SND1: variants seen among roughly 807,000 people sequenced by gnomAD.
SND1 encodes the protein staphylococcal nuclease domain-containing protein 1.
In SND1, 38 loss-of-function variants were observed where a neutral mutation model predicts 121.7. That is an observed-to-expected ratio of 0.31 (90% CI 0.24 to 0.41). The LOEUF is 0.41. Ranked by LOEUF, SND1 falls within the 10% of genes least tolerant of loss-of-function variation. The pLI is 1.00. For synonymous variants in SND1, 401 were observed against 447.4 expected (o/e 0.90, Z 1.31); for missense variants, 868 against 1,184.6 (o/e 0.73, Z 3.92).
intron 12 of SND1, chr7:127,858,119 C>T (rs1357859440): frequency 5.7e-6 from 5 of 882,258 alleles, no homozygotes; most frequent in South Asian, 2.6e-5. Flanking sequence ...ACTTCCTCAG[C>T]GAACATGTCT....
intron 16 of SND1, among the ~76,000 whole-genome samples, chr7:128,004,284 G>A (rs1369628475): frequency 6.6e-6 from 1 of 152,134 alleles, no homozygotes; most frequent in Non-Finnish European, 1.5e-5. Flanking sequence ...CTTTTGCCTA[G>A]AGAATGCTAA....
At chr7:128,009,220 G>T (rs1803054973) in intron 16 of SND1, among the ~76,000 whole-genome samples, 1 of 152,214 alleles carries the variant, frequency 6.6e-6, no homozygotes, top group Non-Finnish European at 1.5e-5. Context: ...GCAAAGGTCA[G>T]AGTGGCTGTG....
At chr7:127,805,876 C>T (rs1798229320) in intron 10 of SND1, among the ~76,000 whole-genome samples, 1 of 152,054 alleles carries the variant, frequency 6.6e-6, no homozygotes, top group Admixed American at 6.6e-5. Context: ...AGGGGTTAGT[C>T]CTTGATTTTC....
intron 12 of SND1, among the ~76,000 whole-genome samples, chr7:127,847,012 A>G (rs1799076834): frequency 6.6e-6 from 1 of 152,068 alleles, no homozygotes; most frequent in Non-Finnish European, 1.5e-5. Flanking sequence ...TCATGCCTGT[A>G]ATCCCAGCAC....
intron 12 of SND1, among the ~76,000 whole-genome samples, chr7:127,856,060 T>C (rs903344724): frequency 6.6e-6 from 1 of 152,172 alleles, no homozygotes; most frequent in Admixed American, 6.5e-5. Context: ...GCATTCATTT[T>C]CCCCCTAAGT....
intron 12 of SND1, among the ~76,000 whole-genome samples, chr7:127,873,866 C>T (rs1403798343): frequency 6.6e-6 from 1 of 152,088 alleles, no homozygotes; most frequent in African/African-American, 2.4e-5. Context: ...TGTTAAGATC[C>T]TTCTGGTTGC....
chr7:127,910,923 C>T (rs1800440161), intron 14 of SND1, among the ~76,000 whole-genome samples: 1 of 152,130 alleles, frequency 6.6e-6, no homozygotes, highest in East Asian at 1.9e-4. Context: ...CTGCTGGGCT[C>T]TGCATTTGGT....
chr7:127,816,746 G>A (rs999211919), intron 11 of SND1, among the ~76,000 whole-genome samples: 4 of 148,012 alleles, frequency 2.7e-5, no homozygotes, highest in East Asian at 2.0e-4. Context: ...TCACTGCAAC[G>A]TCTGCCTCCT....
chr7:127,876,194 G>A (rs1366926497), intron 12 of SND1, among the ~76,000 whole-genome samples: 3 of 151,784 alleles, frequency 2.0e-5, no homozygotes, highest in Admixed American at 6.6e-5. Context: ...GATTGTCTTC[G>A]TATTAGAAAA....
chr7:127,875,794 A>G (rs1799677578), intron 12 of SND1, among the ~76,000 whole-genome samples: 1 of 152,124 alleles, frequency 6.6e-6, no homozygotes, highest in Admixed American at 6.5e-5. Flanking sequence ...TTTTGAGTAA[A>G]AATGGATGAG....
chr7:127,684,433 A>C (rs1030158573), intron 1 of SND1, among the ~76,000 whole-genome samples: 2 of 152,234 alleles, frequency 1.3e-5, no homozygotes, highest in Non-Finnish European at 2.9e-5. Context: ...TTTCAAGTGC[A>C]GGTATTCTGC....
intron 11 of SND1, among the ~76,000 whole-genome samples, chr7:127,821,435 C>G (rs754007902): frequency 6.6e-5 from 10 of 152,132 alleles, no homozygotes. Context: ...TTGTTTTTTC[C>G]TGGACTCCAT....
rs1795138133 is a variant in SND1 at position 127,652,420 on chromosome 7, T to G, written c.47T>G (p.Val16Gly). 6.4e-7 allele frequency: 1 copy of G among 1,568,938 alleles called. No homozygotes were observed. Among genetic ancestry groups the G allele is most frequent in the African/African-American group, 1.3e-5 (1 of 74,540 alleles). The change falls in exon 1 of 24, where the codon GTC becomes GGC. Residue 16 changes from valine (V) to glycine (G), a missense_variant. This residue lies in a region of SND1 where 125 missense variants were observed against 113.3 expected (regional missense o/e 1.10). Coordinates refer to ENST00000354725, the MANE Select transcript of SND1 (RefSeq NM_014390.4). ...GGCGGCTCCTCCGGGGGACCCGCGG[T>G]CCCCACCGTGCAGCGGGGCATCATC... ...QSGGSSGGPA[V>G]PTVQRGIIKM...
chr7:127,709,681 G>A lies in SND1; in HGVS notation c.1038+2034G>A, dbSNP rs144765611. 7.2e-4 allele frequency among the ~76,000 whole-genome samples: 110 copies of A among 152,254 alleles called. 1 individual carries two copies. The highest frequency in any genetic ancestry group is 2.1e-3 in the African/African-American group (89 of 41,528). ...ATCTGTTTTTTCTTTAAAAGAGAGC[G>A]AGGCTTTTATCATGACAATGAAGTT... On this transcript the variant is annotated intron_variant, in intron 9 of 23. Transcript: ENST00000354725.
chr7:127,738,068 A>G (rs1483405362), intron 10 of SND1, among the ~76,000 whole-genome samples: 3 of 152,330 alleles, frequency 2.0e-5, no homozygotes, highest in East Asian at 3.9e-4. Context: ...GTTAGCATGT[A>G]TATGGCATTA....
intron 16 of SND1, among the ~76,000 whole-genome samples, chr7:128,035,076 C>G (rs1480005353): frequency 6.6e-6 from 1 of 152,208 alleles, no homozygotes; most frequent in Non-Finnish European, 1.5e-5. Context: ...GCTAAAAAAG[C>G]CAGCAGTGAT....
intron 15 of SND1, among the ~76,000 whole-genome samples, chr7:127,950,452 T>A (rs1489356264): frequency 6.6e-6 from 1 of 152,234 alleles, no homozygotes; most frequent in Admixed American, 6.5e-5. Flanking sequence ...ACAGCATTTG[T>A]ATGATGCAAA....
At chr7:127,841,262 A>G (rs529550775) in intron 11 of SND1, among the ~76,000 whole-genome samples, 1 of 151,750 alleles carries the variant, frequency 6.6e-6, no homozygotes, top group African/African-American at 2.4e-5. Flanking sequence ...CTTGAGATTA[A>G]CTTAGTTTTT....
chr7:127,717,633 T>C (rs1379798625), intron 9 of SND1, among the ~76,000 whole-genome samples: 1 of 152,200 alleles, frequency 6.6e-6, no homozygotes, highest in Non-Finnish European at 1.5e-5. Context: ...AACAGCCAGA[T>C]GTCATGATTT....
Sources: gnomAD v4.1 joint callset for allele counts (sites outside exome capture counted in the v4.1 genomes callset) on GRCh38, gnomAD v4.1.1 for gene constraint, gnomAD v4.1.1 regional missense constraint, MANE v1.5 for transcripts, NCBI Gene and HGNC (gene_info 2026-07-23, HGNC 2026-07-21) for gene names.